The following SPSB1 variants were observed in gnomAD, a reference collection of about 807,000 sequenced individuals.
SPSB1 encodes SPRY domain-containing SOCS box protein 1.
SPSB1 carries 8 observed loss-of-function variants against 21.2 expected under a neutral mutation model. The observed-to-expected ratio is 0.38, with a 90% CI of 0.22 to 0.68. The LOEUF (loss-of-function observed/expected upper bound fraction) is 0.68, where lower values mean the gene tolerates loss of function less well. Ranked by LOEUF, SPSB1 falls within the 30% of genes least tolerant of loss-of-function variation. The probability of loss-of-function intolerance (pLI) is 0.53; values close to 1 mark genes in which losing one functional copy is unlikely to be tolerated. For missense variants in SPSB1, 242 were observed against 377.8 expected (o/e 0.64, Z 2.98); for synonymous variants, 169 against 161.7 (o/e 1.05, Z -0.34).
rs1454372298 is a variant in SPSB1, at chr1:9,347,063, AT to A, written c.-149-8679del. ...CTGGGCATGGTGGCTCACACCTGTT[AT>A]CCGAGCACTTTGGGTGGCCAAGACA... On this transcript the variant is annotated intron_variant, in intron 1 of 2. Transcript: ENST00000328089. 1.4e-4 allele frequency among the ~76,000 whole-genome samples: 22 copies of A among 152,344 alleles called. No individual in the cohort carries two copies. The East Asian group carries it at 3.9e-3, about 27-fold the overall frequency.
intron 1 of SPSB1, among the ~76,000 whole-genome samples, chr1:9,344,005 G>A (rs531161255): frequency 9.9e-5 from 15 of 152,116 alleles, no homozygotes; most frequent in Non-Finnish European, 1.9e-4. Flanking sequence ...AGCCAGGATG[G>A]TCTCGATCTC....
At chr1:9,342,284 C>T (rs977979410) in intron 1 of SPSB1, among the ~76,000 whole-genome samples, 13 of 152,108 alleles carry the variant, frequency 8.5e-5, no homozygotes, top group Admixed American at 5.2e-4. Context: ...ACGATCCCTC[C>T]GTGAGAATGA....
intron 1 of SPSB1, among the ~76,000 whole-genome samples, chr1:9,314,951 G>A (rs920953248): frequency 3.3e-5 from 5 of 152,260 alleles, no homozygotes; most frequent in East Asian, 1.9e-4. Flanking sequence ...ACCTGAGGGA[G>A]TGGAGTCCTT....
intron 2 of SPSB1, among the ~76,000 whole-genome samples, chr1:9,358,816 A>G (rs1250578396): frequency 6.6e-6 from 1 of 152,106 alleles, no homozygotes; most frequent in African/African-American, 2.4e-5. Flanking sequence ...GTTATGTATC[A>G]TAGCTCCAGT....
rs1639776032 is a variant in SPSB1, at chr1:9,324,293, G to T, written c.-150+31222G>T. On this transcript the variant is annotated intron_variant, in intron 1 of 2. Transcript: ENST00000328089. This position sits in a 1 kb window ranked among gnomAD's most constrained non-coding sequence, Gnocchi z 4.3. Reference sequence around the variant, plus strand: ...ATAGTGGGACTCACAGCTCTTCATGGCATCGATGAATCGTGTCCCGATTAG... The same window carrying T: ...ATAGTGGGACTCACAGCTCTTCATGTCATCGATGAATCGTGTCCCGATTAG... 6.6e-6 allele frequency among the ~76,000 whole-genome samples: 1 copy of T among 152,158 alleles called. No homozygotes were observed. The highest frequency in any genetic ancestry group is 1.9e-4 in the East Asian group (1 of 5,194).
At chr1:9,311,581 G>A (rs554524768) in intron 1 of SPSB1, among the ~76,000 whole-genome samples, 1 of 152,236 alleles carries the variant, frequency 6.6e-6, no homozygotes, top group South Asian at 2.1e-4. Context: ...TTGAACCAAC[G>A]CTTGAGCCAG....
chr1:9,368,626 T>G lies in SPSB1; in HGVS notation c.*1051T>G, dbSNP rs9442601. 114,200 of 151,952 alleles carry G rather than the reference T, an allele frequency of 0.75. 45,229 individuals are homozygous for G. The highest frequency in any genetic ancestry group is 0.88 in the Non-Finnish European group (60,018 of 67,980). The allele number at this position is 151,952 out of a possible 1,614,324, so 9.4% of individuals were successfully genotyped here. A position where few individuals can be genotyped will look rare whatever the true frequency, so the allele number is the denominator to read the frequency against. Reference sequence around the variant, plus strand: ...GCTTTTCTAGCTGAGATTTCCCAAGTGCATCCTCAGAAGCTCTGGGTGTGC... The same window carrying G: ...GCTTTTCTAGCTGAGATTTCCCAAGGGCATCCTCAGAAGCTCTGGGTGTGC... On this transcript the variant is annotated 3_prime_UTR_variant, in exon 3 of 3. Transcript: ENST00000328089.
rs1639629078 is a variant in SPSB1, at chr1:9,317,130, G to A, written c.-150+24059G>A. Among the ~76,000 whole-genome samples the A allele has an allele frequency of 6.6e-6, 1 of 152,200 alleles. No individual in the cohort carries two copies. The highest frequency in any genetic ancestry group is 1.5e-5 in the Non-Finnish European group (1 of 68,036). ...AATAATATATTATACTAGGCAGAGGGTGAGAAAGGTGCTTAGAGGCCAGCA... is the reference window on the plus strand; with the variant it reads ...AATAATATATTATACTAGGCAGAGGATGAGAAAGGTGCTTAGAGGCCAGCA... On this transcript the variant is annotated intron_variant, in intron 1 of 2. Transcript: ENST00000328089. This position sits in a 1 kb window ranked among gnomAD's most constrained non-coding sequence, Gnocchi z 4.3.
chr1:9,342,542 G>A (rs940460329), intron 1 of SPSB1, among the ~76,000 whole-genome samples: 24 of 152,184 alleles, frequency 1.6e-4, no homozygotes, highest in Non-Finnish European at 3.5e-4. Context: ...GAGAAAGTAG[G>A]CGCCTAGGAA....
chr1:9,345,291 G>T lies in SPSB1; in HGVS notation c.-149-10452G>T, dbSNP rs971463237. Among the ~76,000 whole-genome samples, 1 of 152,202 alleles carries T rather than the reference G, an allele frequency of 6.6e-6. No homozygotes were observed. The highest frequency in any genetic ancestry group is 2.4e-5 in the African/African-American group (1 of 41,432). ...AGCCTGTCCCCGTGGGTACCCTGTT[G>T]GTGGCTCTTTTCTTGGAGATGGCCG... On this transcript the variant is annotated intron_variant, in intron 1 of 2. Transcript: ENST00000328089. This position sits in a 1 kb window ranked among gnomAD's most constrained non-coding sequence, Gnocchi z 4.8.
In SPSB1 at chr1:9,317,691, C is replaced by T. The variant is rs1198110422; in HGVS notation, c.-150+24620C>T. Among the ~76,000 whole-genome samples the T allele has an allele frequency of 6.6e-6, 1 of 152,150 alleles. No individual in the cohort carries two copies. The highest frequency in any genetic ancestry group is 2.4e-5 in the African/African-American group (1 of 41,424). On this transcript the variant is annotated intron_variant, in intron 1 of 2. Coordinates refer to ENST00000328089, the MANE Select transcript of SPSB1 (RefSeq NM_025106.4). The surrounding 1 kb of genome is among the most constrained non-coding windows in gnomAD (Gnocchi z 4.3). ...TAGAGTTGGGGTTTCACCCTATTGC[C>T]AGGCTGGTCTCAAACTCCTGAGCTG...
chr1:9,363,770 G>A lies in SPSB1; in HGVS notation c.695-3678G>A, dbSNP rs1483530996. Reference sequence around the variant, plus strand: ...GCTGTAGTGCAGTGGCGCAATCTCAGCTCACTGCAAACCTCTGCCTCCCAG... The same window carrying A: ...GCTGTAGTGCAGTGGCGCAATCTCAACTCACTGCAAACCTCTGCCTCCCAG... On this transcript the variant is annotated intron_variant, in intron 2 of 2. Transcript: ENST00000328089. This position sits in a 1 kb window ranked among gnomAD's most constrained non-coding sequence, Gnocchi z 4.5. 6.6e-6 allele frequency among the ~76,000 whole-genome samples: 1 copy of A among 152,000 alleles called. No homozygotes were observed. The highest frequency in any genetic ancestry group is 2.4e-5 in the African/African-American group (1 of 41,358).
intron 1 of SPSB1, among the ~76,000 whole-genome samples, chr1:9,311,663 G>A (rs1180225154): frequency 1.3e-5 from 2 of 152,096 alleles, no homozygotes; most frequent in East Asian, 1.9e-4. Flanking sequence ...TTTAACTCCC[G>A]CTGCTTCTGG....
chr1:9,322,995 C>T (rs1223531455), intron 1 of SPSB1, among the ~76,000 whole-genome samples: 2 of 152,210 alleles, frequency 1.3e-5, no homozygotes, highest in Admixed American at 6.5e-5. Flanking sequence ...GTGCCGCCAG[C>T]ACTGACCCAG....
At chr1:9,340,876 GTCC>G (rs1640080642) in intron 1 of SPSB1, among the ~76,000 whole-genome samples, 1 of 152,248 alleles carries the variant, frequency 6.6e-6, no homozygotes, top group Non-Finnish European at 1.5e-5. Flanking sequence ...CACATTTGTA[GTCC>G]TCCTGTGTAC....
intron 1 of SPSB1, among the ~76,000 whole-genome samples, chr1:9,328,966 A>G (rs1024551627): frequency 1.3e-5 from 2 of 152,148 alleles, no homozygotes; most frequent in African/African-American, 4.8e-5. Flanking sequence ...TGAAGGAGGG[A>G]GGGTAGTAAA....
intron 2 of SPSB1, among the ~76,000 whole-genome samples, chr1:9,366,033 G>T (rs541198667): frequency 2.6e-5 from 4 of 152,252 alleles, no homozygotes; most frequent in Non-Finnish European, 4.4e-5. Flanking sequence ...AGACTCCTGA[G>T]ATCTGAAGCT....
chr1:9,315,031 ATT>A (rs1223766009), intron 1 of SPSB1, among the ~76,000 whole-genome samples: 1 of 152,206 alleles, frequency 6.6e-6, no homozygotes, highest in Non-Finnish European at 1.5e-5. Context: ...ATTCAGTGGG[ATT>A]TTTGTTTGTT....
At position 9,299,465 on chromosome 1, in the gene SPSB1, G is replaced by A. The variant is rs185678315; in HGVS notation, c.-150+6394G>A. ...ACCAGCCTGGGCAACACAGTGAGAC[G>A]TCATCTCTCTCTCTCTCTCTCTCTT... On this transcript the variant is annotated intron_variant, in intron 1 of 2. Transcript: ENST00000328089. Among the ~76,000 whole-genome samples, 39 of 147,124 alleles carry A rather than the reference G, an allele frequency of 2.7e-4. 1 individual carries two copies. The East Asian group carries it at 3.3e-3, about 12-fold the overall frequency.
Sources: allele counts gnomAD v4.1 joint callset (sites outside exome capture counted in the v4.1 genomes callset), GRCh38; gene constraint gnomAD v4.1.1; non-coding constraint Gnocchi (gnomAD v3.1); transcripts MANE v1.5; gene names NCBI Gene and HGNC (gene_info 2026-07-23, HGNC 2026-07-21).